Variants in MAGED1 observed in about 807,000 individuals in gnomAD.
The protein encoded by MAGED1 is melanoma-associated antigen D1.
MAGED1 carries 3 observed loss-of-function variants against 54.1 expected under a neutral mutation model. That is an observed-to-expected ratio of 0.06 (90% CI 0.03 to 0.14). The LOEUF is 0.14. Among genes scored for constraint, MAGED1 ranks in the 10% least tolerant of loss-of-function variants. The pLI is 1.00. For missense variants in MAGED1, 485 were observed against 623.4 expected (o/e 0.78, Z 2.36); for synonymous variants, 217 against 227.3 (o/e 0.95, Z 0.41).
intron 1 of MAGED1, among the ~76,000 whole-genome samples, chrX:51,830,345 A>G (rs143683451): frequency 1.7e-3 from 189 of 111,407 alleles, no homozygotes; most frequent in African/African-American, 5.5e-3. Flanking sequence ...AGAGGAAAGG[A>G]TAATGGCTAG....
At chrX:51,816,735 GAA>G (rs58465198) in intron 1 of MAGED1, among the ~76,000 whole-genome samples, 14,908 of 105,828 alleles carry the variant, frequency 0.14, 840 homozygotes, top group Non-Finnish European at 0.18. Context: ...GTAAAAGAAA[GAA>G]AAAAAAAAAA....
intron 1 of MAGED1, among the ~76,000 whole-genome samples, chrX:51,863,494 C>T (rs1927353963): frequency 1.8e-5 from 2 of 111,826 alleles, no homozygotes; most frequent in African/African-American, 6.5e-5. Context: ...TGGATATACA[C>T]CCAGAAGTGG....
At chrX:51,804,854 A>G (rs1255609224) in intron 1 of MAGED1, among the ~76,000 whole-genome samples, 3 of 111,949 alleles carry the variant, frequency 2.7e-5, no homozygotes, top group Non-Finnish European at 3.8e-5. Flanking sequence ...GAGGGCACAC[A>G]CTATGCAGAT....
intron 12 of MAGED1, 39 bp downstream of exon 12, chrX:51,901,977 G>A: frequency 3.5e-6 from 4 of 1,132,643 alleles, no homozygotes; most frequent in Non-Finnish European, 1.2e-6. Context: ...TAGGGTCTCT[G>A]GGGGATATAG....
chrX:51,878,250 G>A (rs1410554809), intron 1 of MAGED1, among the ~76,000 whole-genome samples: 1 of 111,223 alleles, frequency 9.0e-6, no homozygotes, highest in African/African-American at 3.3e-5. Context: ...GAGTTGCTGT[G>A]GTGATGGGGG....
intron 1 of MAGED1, among the ~76,000 whole-genome samples, chrX:51,855,772 C>T (rs868969036): frequency 9.0e-5 from 10 of 110,936 alleles, no homozygotes; most frequent in Admixed American, 4.8e-4. Flanking sequence ...ATGATCTGCC[C>T]GCCTCGGCCT....
At chrX:51,804,430 T>G (rs1332888259) in intron 1 of MAGED1, among the ~76,000 whole-genome samples, 3 of 112,186 alleles carry the variant, frequency 2.7e-5, no homozygotes, top group Non-Finnish European at 5.6e-5. Context: ...AGAGTATTGC[T>G]GATGTCTCTT....
intron 1 of MAGED1, among the ~76,000 whole-genome samples, chrX:51,865,751 C>A (rs946936720): frequency 1.8e-5 from 2 of 111,485 alleles, no homozygotes; most frequent in Non-Finnish European, 3.8e-5. Context: ...GGATTTGTGT[C>A]CCCACCTAAA....
chrX:51,851,982 G>A (rs1315488776), intron 1 of MAGED1, among the ~76,000 whole-genome samples: 3 of 111,655 alleles, frequency 2.7e-5, no homozygotes, highest in Non-Finnish European at 3.8e-5. Context: ...TATGACAAAC[G>A]TAGTTTAAAC....
rs57427122 is a variant in MAGED1 at position 51,805,965 on chromosome X, CTTTTTTTTTTTTTTT to C, written c.-37+2862_-37+2876del. Among the ~76,000 whole-genome samples, 173 of 36,942 alleles carry C rather than the reference CTTTTTTTTTTTTTTT, an allele frequency of 4.7e-3. 2 individuals are homozygous for C. Among genetic ancestry groups the C allele is most frequent in the African/African-American group, 0.019 (164 of 8,744 alleles). 32.1% of individuals were successfully genotyped at this position (36,942 alleles called of 115,157 possible). A position where few individuals can be genotyped will look rare whatever the true frequency, so the allele number is the denominator to read the frequency against. ...AGCTCAAAGCATTTTCTTTTCTTTT[CTTTTTTTTTTTTTTT>C]TTTTTTTTTTTTTGATGGAGTCTTG... On this transcript the variant is annotated intron_variant, in intron 1 of 12. Transcript: ENST00000375772.
chrX:51,843,071 G>A (rs1387276508), intron 1 of MAGED1, among the ~76,000 whole-genome samples: 3 of 111,586 alleles, frequency 2.7e-5, no homozygotes, highest in African/African-American at 9.8e-5. Flanking sequence ...TCCTTTTGAG[G>A]GCTTTATTTT....
intron 1 of MAGED1, among the ~76,000 whole-genome samples, chrX:51,841,964 T>G (rs1429575398): frequency 4.5e-5 from 5 of 112,043 alleles, no homozygotes; most frequent in Non-Finnish European, 7.5e-5. Context: ...TTTTTCCAAT[T>G]CTGTGAAGAA....
At chrX:51,834,191 T>G (rs1926167170) in intron 1 of MAGED1, among the ~76,000 whole-genome samples, 1 of 111,620 alleles carries the variant, frequency 9.0e-6, no homozygotes, top group South Asian at 3.8e-4. Flanking sequence ...TGCTGACAGC[T>G]TTGAAGTCTT....
intron 1 of MAGED1, among the ~76,000 whole-genome samples, chrX:51,842,661 G>A (rs1557358748): frequency 4.5e-5 from 5 of 110,552 alleles, no homozygotes; most frequent in Non-Finnish European, 3.8e-5. Context: ...TTCTTTTAAT[G>A]TGCCAACAAT....
chrX:51,804,078 G>C (rs1456794232), intron 1 of MAGED1, among the ~76,000 whole-genome samples: 1 of 112,300 alleles, frequency 8.9e-6, no homozygotes, highest in African/African-American at 3.2e-5. Flanking sequence ...CTTTTTCTGA[G>C]AGCTTTGCAA....
At chrX:51,811,927 T>G in intron 1 of MAGED1, among the ~76,000 whole-genome samples, 1 of 110,756 alleles carries the variant, frequency 9.0e-6, no homozygotes, top group South Asian at 3.8e-4. Context: ...AATCAGTCAA[T>G]TAACTAAAAA....
intron 1 of MAGED1, among the ~76,000 whole-genome samples, chrX:51,805,490 T>C (rs1468378320): frequency 3.6e-5 from 4 of 110,367 alleles, no homozygotes; most frequent in African/African-American, 1.3e-4. Flanking sequence ...ATATACAGAA[T>C]ATTTTATTAT....
In MAGED1 at chrX:51,896,549, G is replaced by A. The variant is rs1400404095; in HGVS notation, c.894G>A (p.Thr298=). The A allele has an allele frequency of 2.5e-6, 3 of 1,211,670 alleles. No homozygotes were observed. The highest frequency in any genetic ancestry group is 5.9e-5 in the East Asian group (2 of 33,831). ...PGAPPNVLWQ[T]PLAWQNPSGW... is the part of the protein sequence containing the mutation. ...CACCCCCCAATGTGCTCTGGCAGAC[G>A]CCATTGGCTTGGCAGAACCCCTCAG... Residue 298 remains threonine, a synonymous_variant, in exon 4 of 13, where the codon ACG becomes ACA. Transcript: ENST00000326587.
intron 1 of MAGED1, among the ~76,000 whole-genome samples, chrX:51,871,432 C>A (rs1311111743): frequency 4.6e-5 from 5 of 109,699 alleles, no homozygotes; most frequent in African/African-American, 1.7e-4. Flanking sequence ...CTTCCCCCAC[C>A]CCACAACAGG....
Sources: gnomAD v4.1 joint callset for allele counts (sites outside exome capture counted in the v4.1 genomes callset) on GRCh38, gnomAD v4.1.1 for gene constraint, MANE v1.5 for transcripts, NCBI Gene and HGNC (gene_info 2026-07-23, HGNC 2026-07-21) for gene names.